The following TRAPPC9 variants were observed in gnomAD, a reference collection of about 807,000 sequenced individuals.
TRAPPC9 encodes IKK2 binding protein.
A neutral mutation model predicts 124.0 loss-of-function variants in TRAPPC9; 83 were observed. The observed-to-expected ratio is 0.67, with a 90% CI of 0.56 to 0.80. The LOEUF is 0.80. TRAPPC9 is among the 30% of genes least tolerant of loss of function. The pLI, the probability that TRAPPC9 is intolerant of heterozygous loss-of-function variation, is 0.00. For missense variants in TRAPPC9, 1,302 were observed against 1,508.3 expected, an observed-to-expected ratio of 0.86 and a Z score of 2.27; for synonymous variants, 638 against 617.5, an observed-to-expected ratio of 1.03 and a Z score of -0.49.
intron 7 of TRAPPC9, among the ~76,000 whole-genome samples, chr8:140,385,339 T>C (rs1024553821): frequency 1.4e-4 from 22 of 151,870 alleles, no homozygotes; most frequent in Admixed American, 8.5e-4. Flanking sequence ...CTGAAGGAGA[T>C]AGAGACACAA....
At chr8:140,227,736 G>A (rs572207336) in intron 16 of TRAPPC9, among the ~76,000 whole-genome samples, 4 of 152,368 alleles carry the variant, frequency 2.6e-5, no homozygotes, top group African/African-American at 2.4e-5. Context: ...CAAGGGCCAC[G>A]TCCGTGGCCT....
intron 20 of TRAPPC9, among the ~76,000 whole-genome samples, chr8:139,888,256 G>A (rs139270900): frequency 2.2e-3 from 329 of 152,302 alleles, no homozygotes; most frequent in African/African-American, 6.5e-3. Flanking sequence ...TCTTCTCTTC[G>A]TGGAGCTTGG....
chr8:140,187,977 G>A (rs555784372), intron 17 of TRAPPC9, among the ~76,000 whole-genome samples: 30 of 152,306 alleles, frequency 2.0e-4, no homozygotes, highest in Non-Finnish European at 3.7e-4. Flanking sequence ...CAGTGTGGTC[G>A]GGAGAGGAAC....
chr8:139,935,370 C>T (rs182608944), intron 19 of TRAPPC9, among the ~76,000 whole-genome samples: 33 of 152,308 alleles, frequency 2.2e-4, no homozygotes, highest in Non-Finnish European at 4.3e-4. Context: ...ACTATTTCCT[C>T]ACCTCTCTGG....
At chr8:139,760,244 G>A (rs1424744489) in intron 21 of TRAPPC9, among the ~76,000 whole-genome samples, 1 of 152,120 alleles carries the variant, frequency 6.6e-6, no homozygotes, top group Non-Finnish European at 1.5e-5. Context: ...TGGAATACCA[G>A]ATTCAGACAG....
intron 19 of TRAPPC9, among the ~76,000 whole-genome samples, chr8:139,922,464 G>GA (rs1186373645): frequency 2.0e-5 from 3 of 152,258 alleles, no homozygotes; most frequent in Non-Finnish European, 4.4e-5. Context: ...TTACAGGCGT[G>GA]AGCCACCGCT....
chr8:139,737,030 A>C (rs1386455005), intron 21 of TRAPPC9, among the ~76,000 whole-genome samples: 2 of 152,330 alleles, frequency 1.3e-5, no homozygotes, highest in East Asian at 1.9e-4. Context: ...AAAATTTCTC[A>C]AAGACAAGCT....
chr8:140,287,271 G>A (rs2065512130), intron 13 of TRAPPC9, among the ~76,000 whole-genome samples: 1 of 151,948 alleles, frequency 6.6e-6, no homozygotes, highest in South Asian at 2.1e-4. Flanking sequence ...CCTCTGCAAA[G>A]GGGAGATTCA....
chr8:139,917,062 G>A (rs894720544), intron 19 of TRAPPC9, among the ~76,000 whole-genome samples: 7 of 151,890 alleles, frequency 4.6e-5, no homozygotes, highest in African/African-American at 1.2e-4. Flanking sequence ...AGGAAACGGC[G>A]TGAACACGGA....
At chr8:139,732,994 G>A (rs1254336321) in intron 21 of TRAPPC9, among the ~76,000 whole-genome samples, 1 of 152,158 alleles carries the variant, frequency 6.6e-6, no homozygotes, top group Non-Finnish European at 1.5e-5. Flanking sequence ...AGGGTGGGGT[G>A]GGGGCGGAGA....
At chr8:140,403,431 T>TTA (rs2069352187) in intron 6 of TRAPPC9, among the ~76,000 whole-genome samples, 3 of 142,544 alleles carry the variant, frequency 2.1e-5, no homozygotes, top group Non-Finnish European at 4.6e-5. Context: ...TCTGTCTCCA[T>TTA]AAAAAAAAAA....
At chr8:139,786,958 TG>T (rs1822296644) in intron 21 of TRAPPC9, among the ~76,000 whole-genome samples, 1 of 152,138 alleles carries the variant, frequency 6.6e-6, no homozygotes, top group Non-Finnish European at 1.5e-5. Context: ...ATCTTGGTGG[TG>T]GTGACGGTTT....
chr8:139,961,576 G>A (rs1198010972), intron 19 of TRAPPC9, among the ~76,000 whole-genome samples: 1 of 124,116 alleles, frequency 8.1e-6, no homozygotes, highest in Non-Finnish European at 1.9e-5. Context: ...GCCTTCCCAG[G>A]TGTGGTTGCA....
chr8:139,854,215 C>G (rs1827665088), intron 21 of TRAPPC9, among the ~76,000 whole-genome samples: 1 of 152,222 alleles, frequency 6.6e-6, no homozygotes, highest in Admixed American at 6.5e-5. Flanking sequence ...CTTCCACACT[C>G]TGGAATGTTT....
intron 21 of TRAPPC9, among the ~76,000 whole-genome samples, chr8:139,756,953 A>C (rs1819863516): frequency 7.3e-6 from 1 of 136,672 alleles, no homozygotes; most frequent in Non-Finnish European, 1.6e-5. Context: ...GTATAAGGAC[A>C]GCAGGTCGCA....
intron 16 of TRAPPC9, among the ~76,000 whole-genome samples, chr8:140,223,234 T>C (rs1039279252): frequency 6.6e-6 from 1 of 152,218 alleles, no homozygotes; most frequent in Non-Finnish European, 1.5e-5. Flanking sequence ...TGTGTTCTCA[T>C]TGTTCAGCTT....
rs559485533 is a variant in TRAPPC9 at position 139,801,051 on chromosome 8, A to ACCTTCCCTCCCTCCGGCACCTTCCCTC, written c.3056-68850_3056-68849insGAGGGAAGGTGCCGGAGGGAGGGAAGG. Among the ~76,000 whole-genome samples, 148 of 134,010 alleles carry ACCTTCCCTCCCTCCGGCACCTTCCCTC rather than the reference A, an allele frequency of 1.1e-3. 1 individual carries two copies. Among genetic ancestry groups the ACCTTCCCTCCCTCCGGCACCTTCCCTC allele is most frequent in the African/African-American group, 4.1e-3 (140 of 34,276 alleles). 87.9% of individuals were successfully genotyped at this position (134,010 alleles called of 152,430 possible). On this transcript the variant is annotated intron_variant, in intron 21 of 22. Coordinates refer to ENST00000438773, the MANE Select transcript of TRAPPC9 (RefSeq NM_001160372.4). ...CTCCGGTACCTTCCCTCCCTCCGGC[A>ACCTTCCCTCCCTCCGGCACCTTCCCTC]CCTTCCCTCCCTCCAGTATCTTCCC... is the stretch of plus-strand genomic sequence containing the variant.
At chr8:140,269,465 C>T (rs763329580) in intron 15 of TRAPPC9, among the ~76,000 whole-genome samples, 162 of 151,738 alleles carry the variant, frequency 1.1e-3, no homozygotes, top group African/African-American at 3.3e-3. Context: ...GGCGTGAACC[C>T]GGGAGGCGGA....
chr8:140,044,347 C>A (rs1262351724), intron 17 of TRAPPC9, among the ~76,000 whole-genome samples: 1 of 151,816 alleles, frequency 6.6e-6, no homozygotes, highest in Non-Finnish European at 1.5e-5. Context: ...CCCAAGATAT[C>A]AATCACCTCT....
Sources: allele counts gnomAD v4.1 joint callset (sites outside exome capture counted in the v4.1 genomes callset), GRCh38; gene constraint gnomAD v4.1.1; transcripts MANE v1.5; gene names NCBI Gene and HGNC (gene_info 2026-07-23, HGNC 2026-07-21).